Variants in GLG1 observed in about 807,000 individuals in gnomAD.
GLG1 encodes golgi glycoprotein 1.
In GLG1, 38 loss-of-function variants were observed where a neutral mutation model predicts 160.5. That is an observed-to-expected ratio of 0.24 (90% CI 0.18 to 0.31). The LOEUF (loss-of-function observed/expected upper bound fraction) is 0.31. Among genes scored for constraint, GLG1 ranks in the 10% least tolerant of loss-of-function variants. GLG1 has a pLI of 1.00. For missense variants in GLG1, 1,373 were observed against 1,505.2 expected (o/e 0.91, Z 1.45); for synonymous variants, 644 against 543.4 (o/e 1.19, Z -2.57).
At chr16:74,592,634 GA>G (rs1411087526) in intron 1 of GLG1, among the ~76,000 whole-genome samples, 1 of 152,166 alleles carries the variant, frequency 6.6e-6, no homozygotes, top group Non-Finnish European at 1.5e-5. Context: ...GGAGGTCTGA[GA>G]GATTAATTTG....
intron 2 of GLG1, among the ~76,000 whole-genome samples, chr16:74,510,292 A>C (rs2016762658): frequency 6.6e-6 from 1 of 152,172 alleles, no homozygotes; most frequent in Admixed American, 6.5e-5. Flanking sequence ...TGGCTTCCCA[A>C]AGTGCTGGCA....
intron 13 of GLG1, chr16:74,472,811 C>A: frequency 2.9e-6 from 1 of 340,822 alleles, no homozygotes; most frequent in Non-Finnish European, 5.7e-6. Flanking sequence ...GCACTGCCCT[C>A]AAAGCAGATG....
At chr16:74,592,412 G>A (rs1448299536) in intron 1 of GLG1, among the ~76,000 whole-genome samples, 1 of 152,148 alleles carries the variant, frequency 6.6e-6, no homozygotes, top group Admixed American at 6.6e-5. Context: ...CCCAAGTGCT[G>A]AGAGCCACTG....
chr16:74,579,558 C>G (rs573706135), intron 1 of GLG1, among the ~76,000 whole-genome samples: 59 of 151,532 alleles, frequency 3.9e-4, no homozygotes, highest in African/African-American at 1.4e-3. Context: ...CCCATCACTA[C>G]TAAAAATACA....
intron 7 of GLG1, among the ~76,000 whole-genome samples, chr16:74,492,113 G>A (rs2016018063): frequency 6.6e-6 from 1 of 150,716 alleles, no homozygotes; most frequent in Non-Finnish European, 1.5e-5. Context: ...TAGGCCAGGC[G>A]CAGTGGCTCA....
intron 9 of GLG1, among the ~76,000 whole-genome samples, chr16:74,485,495 C>G (rs1011906750): frequency 6.6e-6 from 1 of 152,188 alleles, no homozygotes; most frequent in African/African-American, 2.4e-5. Flanking sequence ...TTCTCTCTTT[C>G]ATTTTAATTT....
intron 1 of GLG1, among the ~76,000 whole-genome samples, chr16:74,592,963 T>C (rs1200030517): frequency 6.6e-6 from 1 of 152,130 alleles, no homozygotes; most frequent in Non-Finnish European, 1.5e-5. Context: ...AATGCCCTTA[T>C]CTCCGTGATC....
At chr16:74,477,977 A>AAAT (rs1555508275) in intron 11 of GLG1, among the ~76,000 whole-genome samples, 8 of 140,148 alleles carry the variant, frequency 5.7e-5, no homozygotes, top group African/African-American at 1.5e-4. Context: ...CCGTCTCAAA[A>AAAT]AAATAAATAA....
chr16:74,586,464 T>A (rs1210925648), intron 1 of GLG1, among the ~76,000 whole-genome samples: 1 of 152,082 alleles, frequency 6.6e-6, no homozygotes, highest in Non-Finnish European at 1.5e-5. Flanking sequence ...TATTTTTCCA[T>A]TGGGCAATGG....
chr16:74,542,707 AG>A (rs201113393), intron 1 of GLG1, among the ~76,000 whole-genome samples: 2 of 47,434 alleles, frequency 4.2e-5, no homozygotes, highest in Non-Finnish European at 8.0e-5. Flanking sequence ...GGAGGGAGGA[AG>A]GGAAGAAGGG....
At chr16:74,560,129 G>A (rs1042082239) in intron 1 of GLG1, among the ~76,000 whole-genome samples, 3 of 152,156 alleles carry the variant, frequency 2.0e-5, no homozygotes, top group Admixed American at 6.5e-5. Context: ...GTGGGTCTAC[G>A]GTGCTGTTTT....
chr16:74,448,506 A>G lies in GLG1; in HGVS notation c.*4661T>C, dbSNP rs1008359871. The stretch of plus-strand genomic sequence containing the variant: ...CAAGTAAATATACCAAAATGCACAT[A>G]ATTGAGGCCAAGGTGGGTGGACCAC... On this transcript the variant is annotated 3_prime_UTR_variant, in exon 26 of 26. Coordinates refer to ENST00000422840, the MANE Select transcript of GLG1 (RefSeq NM_001145667.2). The G allele has an allele frequency of 8.5e-5, 13 of 152,210 alleles. No homozygotes were observed. Among genetic ancestry groups the G allele is most frequent in the African/African-American group, 3.1e-4 (13 of 41,456 alleles). 9.4% of individuals were successfully genotyped at this position (152,210 alleles called of 1,614,324 possible). A position where few individuals can be genotyped will look rare whatever the true frequency, so the allele number is the denominator to read the frequency against.
intron 1 of GLG1, among the ~76,000 whole-genome samples, chr16:74,560,459 G>A (rs201296774): frequency 4.7e-5 from 6 of 126,402 alleles, no homozygotes; most frequent in East Asian, 4.9e-4. Context: ...TCCCCCCGCC[G>A]CCCCCCTGCC....
chr16:74,564,457 T>C (rs1745676941), intron 1 of GLG1, among the ~76,000 whole-genome samples: 1 of 152,230 alleles, frequency 6.6e-6, no homozygotes, highest in Non-Finnish European at 1.5e-5. Context: ...CTGCATTATA[T>C]TCTCTCAAAA....
chr16:74,449,530 T>C lies in GLG1; in HGVS notation c.*3637A>G, dbSNP rs950298961. On this transcript the variant is annotated 3_prime_UTR_variant, in exon 26 of 26. Coordinates refer to ENST00000422840, the MANE Select transcript of GLG1 (RefSeq NM_001145667.2). ...GTTGATCTCAGGAAACAGAAACAAA[T>C]GAAATCTGACAGTAACTTTCTGTAG... 3.3e-5 allele frequency: 5 copies of C among 152,152 alleles called. No homozygotes were observed. Among genetic ancestry groups the C allele is most frequent in the African/African-American group, 4.8e-5 (2 of 41,432 alleles). The allele number at this position is 152,152 out of a possible 1,614,324, so 9.4% of individuals were successfully genotyped here.
chr16:74,549,913 A>G (rs2018151546), intron 1 of GLG1, among the ~76,000 whole-genome samples: 1 of 151,988 alleles, frequency 6.6e-6, no homozygotes, highest in African/African-American at 2.4e-5. Flanking sequence ...CAGGTGTTCA[A>G]GACCAGCCTG....
chr16:74,529,940 T>A (rs112612081), intron 2 of GLG1, among the ~76,000 whole-genome samples: 1 of 150,106 alleles, frequency 6.7e-6, no homozygotes, highest in Non-Finnish European at 1.5e-5. Context: ...GACTCCTGAG[T>A]AGCCAGGATT....
At chr16:74,553,915 C>G (rs77062722) in intron 1 of GLG1, among the ~76,000 whole-genome samples, 21,128 of 152,204 alleles carry the variant, frequency 0.14, 2,004 homozygotes, top group Middle Eastern at 0.22. Context: ...GTAATCAGCT[C>G]TTTAATAGAA....
chr16:74,534,744 T>A (rs1177919814), intron 1 of GLG1, among the ~76,000 whole-genome samples: 1 of 152,022 alleles, frequency 6.6e-6, no homozygotes, highest in East Asian at 1.9e-4. Context: ...AAACTGAGTA[T>A]ACACCCGGCT....
Sources: gnomAD v4.1 joint callset for allele counts (sites outside exome capture counted in the v4.1 genomes callset) on GRCh38, gnomAD v4.1.1 for gene constraint, MANE v1.5 for transcripts, NCBI Gene and HGNC (gene_info 2026-07-23, HGNC 2026-07-21) for gene names.